The following CNTN5 variants were observed in gnomAD, a reference collection of about 807,000 sequenced individuals.
The protein encoded by CNTN5 is contactin 5.
CNTN5 carries 77 observed loss-of-function variants against 129.1 expected under a neutral mutation model. The ratio of observed to expected loss-of-function variants is 0.60; its 90% CI spans 0.50 to 0.72. The LOEUF (loss-of-function observed/expected upper bound fraction) is 0.72, where lower values mean the gene tolerates loss of function less well. Among genes scored for constraint, CNTN5 ranks in the 30% least tolerant of loss-of-function variants. CNTN5 has a pLI of 0.00. For missense variants in CNTN5, 1,478 were observed against 1,328.8 expected, an observed-to-expected ratio of 1.11 and a Z score of -1.75; for synonymous variants, 509 against 465.6, an observed-to-expected ratio of 1.09 and a Z score of -1.20.
chr11:99,129,393 A>G lies in CNTN5; in HGVS notation c.-210+108123A>G, dbSNP rs931291723. Among the ~76,000 whole-genome samples, 10 of 151,996 alleles carry G rather than the reference A, an allele frequency of 6.6e-5. 1 individual carries two copies. The highest frequency in any genetic ancestry group is 1.3e-4 in the Non-Finnish European group (9 of 67,936). On this transcript the variant is annotated intron_variant, in intron 1 of 24. Transcript: ENST00000524871. Reference sequence around the variant, plus strand: ...ATCTTGCTGAAATAAGGCAGGAAGAAAAGATTATAGAAAAAATAAAGAAAA... The same window carrying G: ...ATCTTGCTGAAATAAGGCAGGAAGAGAAGATTATAGAAAAAATAAAGAAAA...
intron 1 of CNTN5, among the ~76,000 whole-genome samples, chr11:99,054,209 A>G (rs958288616): frequency 6.6e-6 from 1 of 151,838 alleles, no homozygotes; most frequent in South Asian, 2.1e-4. Flanking sequence ...CCTCAACCTA[A>G]TGGCTGGCTG....
intron 1 of CNTN5, among the ~76,000 whole-genome samples, chr11:99,157,761 T>G (rs1055676886): frequency 6.6e-6 from 1 of 152,002 alleles, no homozygotes. Context: ...AGACTACTAC[T>G]CACTACCTAT....
At chr11:100,214,782 T>C (rs1949105882) in intron 15 of CNTN5, among the ~76,000 whole-genome samples, 1 of 152,196 alleles carries the variant, frequency 6.6e-6, no homozygotes, top group Admixed American at 6.5e-5. Context: ...ATTTTATGGT[T>C]ATTCTCTGCT....
intron 7 of CNTN5, among the ~76,000 whole-genome samples, chr11:99,916,877 C>T (rs1175752597): frequency 1.3e-5 from 2 of 152,000 alleles, no homozygotes; most frequent in African/African-American, 4.8e-5. Flanking sequence ...AGAAAGAGCA[C>T]AAGGAAGAAC....
intron 9 of CNTN5, among the ~76,000 whole-genome samples, chr11:100,011,698 G>T (rs1303640988): frequency 6.6e-6 from 1 of 152,068 alleles, no homozygotes; most frequent in African/African-American, 2.4e-5. Context: ...TCCATCAAAT[G>T]CCTATTAGGG....
intron 9 of CNTN5, among the ~76,000 whole-genome samples, chr11:100,014,476 G>T (rs1940711761): frequency 1.3e-5 from 2 of 152,070 alleles, no homozygotes; most frequent in Non-Finnish European, 2.9e-5. Flanking sequence ...AGCTACTCAG[G>T]AGGCTGAGGC....
chr11:100,264,755 C>T (rs757209148), intron 17 of CNTN5, among the ~76,000 whole-genome samples: 6 of 151,930 alleles, frequency 3.9e-5, no homozygotes, highest in African/African-American at 1.5e-4. Context: ...CCCAGTAATG[C>T]GATTGCTGGG....
chr11:99,861,810 T>G (rs1948216161), intron 6 of CNTN5, among the ~76,000 whole-genome samples: 1 of 152,188 alleles, frequency 6.6e-6, no homozygotes, highest in Admixed American at 6.5e-5. Flanking sequence ...CTTTAGAAAT[T>G]AGGGATATTC....
At chr11:99,586,272 C>T (rs1014287074) in intron 3 of CNTN5, among the ~76,000 whole-genome samples, 3 of 152,098 alleles carry the variant, frequency 2.0e-5, no homozygotes, top group Non-Finnish European at 4.4e-5. Flanking sequence ...AACATTTGTG[C>T]TAACCATTGG....
intron 2 of CNTN5, among the ~76,000 whole-genome samples, chr11:99,333,297 C>A (rs531952033): frequency 1.3e-5 from 2 of 151,930 alleles, no homozygotes; most frequent in African/African-American, 4.8e-5. Flanking sequence ...ATTTAGGTGA[C>A]TTTTGGGGCT....
intron 9 of CNTN5, among the ~76,000 whole-genome samples, chr11:100,006,660 C>G (rs772904416): frequency 6.6e-4 from 100 of 152,094 alleles, no homozygotes; most frequent in Non-Finnish European, 1.1e-3. Context: ...CATTTACTTT[C>G]CCCACTAAAG....
intron 1 of CNTN5, among the ~76,000 whole-genome samples, chr11:99,323,499 C>T (rs760938536): frequency 3.9e-5 from 6 of 152,016 alleles, no homozygotes; most frequent in Non-Finnish European, 8.8e-5. Context: ...ATTAGTGATA[C>T]TTCTTATTTG....
intron 3 of CNTN5, among the ~76,000 whole-genome samples, chr11:99,773,944 T>C (rs980194341): frequency 6.6e-6 from 1 of 152,112 alleles, no homozygotes; most frequent in African/African-American, 2.4e-5. Flanking sequence ...TTCATGCCTA[T>C]GTAAGTGCTT....
chr11:99,606,807 A>G (rs1184207038), intron 3 of CNTN5, among the ~76,000 whole-genome samples: 1 of 140,906 alleles, frequency 7.1e-6, no homozygotes, highest in African/African-American at 2.6e-5. Flanking sequence ...ATCTACAACT[A>G]TCTGATCTTT....
At chr11:99,245,444 A>C (rs1156303343) in intron 1 of CNTN5, among the ~76,000 whole-genome samples, 3 of 152,024 alleles carry the variant, frequency 2.0e-5, no homozygotes. Flanking sequence ...TCCGCCTCCC[A>C]AGTAACAGGG....
intron 1 of CNTN5, among the ~76,000 whole-genome samples, chr11:99,132,918 A>G (rs1859019352): frequency 6.6e-6 from 1 of 152,182 alleles, no homozygotes; most frequent in Non-Finnish European, 1.5e-5. Context: ...AAAAATTTTT[A>G]TGGAACCAAA....
At chr11:99,382,969 G>A (rs980922596) in intron 2 of CNTN5, among the ~76,000 whole-genome samples, 1 of 137,632 alleles carries the variant, frequency 7.3e-6, no homozygotes, top group East Asian at 2.4e-4. Context: ...CAATTCTCCT[G>A]CCTCAGCCTC....
At chr11:99,026,943 T>A (rs1354715316) in intron 1 of CNTN5, among the ~76,000 whole-genome samples, 2 of 151,712 alleles carry the variant, frequency 1.3e-5, no homozygotes, top group East Asian at 3.9e-4. Flanking sequence ...ACATTGTCTT[T>A]TAAGATTAGA....
At chr11:99,903,579 G>A (rs988906331) in intron 6 of CNTN5, among the ~76,000 whole-genome samples, 2 of 152,108 alleles carry the variant, frequency 1.3e-5, no homozygotes, top group Non-Finnish European at 2.9e-5. Context: ...TAGAGGGGCT[G>A]TTCTAAGTAG....
Sources: allele counts gnomAD v4.1 joint callset (sites outside exome capture counted in the v4.1 genomes callset), GRCh38; gene constraint gnomAD v4.1.1; transcripts MANE v1.5; gene names NCBI Gene and HGNC (gene_info 2026-07-23, HGNC 2026-07-21).